RBFOX1: variants seen among roughly 807,000 people sequenced by gnomAD.
The protein encoded by RBFOX1 is RNA binding fox-1 homolog 1, also known as RNA binding protein fox-1 homolog 1.
RBFOX1 carries 8 observed loss-of-function variants against 57.7 expected under a neutral mutation model. That is an observed-to-expected ratio of 0.14 (90% CI 0.08 to 0.25). RBFOX1 has a LOEUF of 0.25. Among genes scored for constraint, RBFOX1 ranks in the 10% least tolerant of loss-of-function variants. RBFOX1 has a pLI of 1.00. For synonymous variants in RBFOX1, 326 were observed against 222.4 expected, an observed-to-expected ratio of 1.47 and a Z score of -4.15; for missense variants, 611 against 548.5, an observed-to-expected ratio of 1.11 and a Z score of -1.14.
intron 2 of RBFOX1, among the ~76,000 whole-genome samples, chr16:6,408,282 A>C (rs1182114887): frequency 6.6e-6 from 1 of 152,192 alleles, no homozygotes; most frequent in African/African-American, 2.4e-5. Flanking sequence ...GAGCTTAATA[A>C]AAAGTTAAAA....
chr16:7,509,416 G>GTA, intron 4 of RBFOX1, among the ~76,000 whole-genome samples: 1 of 142,660 alleles, frequency 7.0e-6, no homozygotes, highest in African/African-American at 3.0e-5. Context: ...GTGTGTGTGT[G>GTA]TGTGTGTGTG....
At chr16:7,077,355 G>A (rs569712761) in intron 4 of RBFOX1, among the ~76,000 whole-genome samples, 2 of 152,292 alleles carry the variant, frequency 1.3e-5, no homozygotes, top group South Asian at 2.1e-4. Context: ...TGAGTTTTAC[G>A]TGATGAATTT....
At chr16:6,428,176 C>G (rs2093982709) in intron 2 of RBFOX1, among the ~76,000 whole-genome samples, 1 of 149,918 alleles carries the variant, frequency 6.7e-6, no homozygotes, top group African/African-American at 2.5e-5. Context: ...GTTCCAGCTA[C>G]TTGGAAGGCT....
chr16:5,381,365 C>T (rs939985676), intron 1 of RBFOX1, among the ~76,000 whole-genome samples: 1 of 152,208 alleles, frequency 6.6e-6, no homozygotes, highest in African/African-American at 2.4e-5. Context: ...TACTTAGGGC[C>T]AGCTGCTGTC....
intron 3 of RBFOX1, among the ~76,000 whole-genome samples, chr16:6,778,679 ACT>A (rs141088448): frequency 0.014 from 2,069 of 151,966 alleles, 21 homozygotes; most frequent in Non-Finnish European, 0.024. Context: ...TTCATATTTT[ACT>A]CTCTTTTTTC....
intron 3 of RBFOX1, among the ~76,000 whole-genome samples, chr16:6,857,048 C>G (rs928116291): frequency 6.6e-6 from 1 of 152,070 alleles, no homozygotes; most frequent in Non-Finnish European, 1.5e-5. Context: ...CGTGTTCAAC[C>G]CCACATCATT....
chr16:6,992,531 C>A lies in RBFOX1; in HGVS notation c.-15-59526C>A, dbSNP rs10500343. Among the ~76,000 whole-genome samples the A allele has an allele frequency of 4.6e-5, 7 of 152,022 alleles. No homozygotes were observed. The South Asian group carries it at 8.3e-4, about 18-fold the overall frequency. ...ATCCAGCCTAGCAATTCCTTAAGTACCTTGTTCATCCCTTCCAAGGTCAGC... is the reference window on the plus strand; with the variant it reads ...ATCCAGCCTAGCAATTCCTTAAGTAACTTGTTCATCCCTTCCAAGGTCAGC... On this transcript the variant is annotated intron_variant, in intron 3 of 15. Coordinates refer to ENST00000550418, the MANE Select transcript of RBFOX1 (RefSeq NM_018723.4).
At chr16:7,706,802 C>G (rs1172683123) in intron 14 of RBFOX1, among the ~76,000 whole-genome samples, 1 of 152,138 alleles carries the variant, frequency 6.6e-6, no homozygotes, top group South Asian at 2.1e-4. Context: ...AAATAAAGAG[C>G]AGTACCAAGG....
chr16:6,923,299 C>T (rs1009218263), intron 3 of RBFOX1, among the ~76,000 whole-genome samples: 2 of 152,098 alleles, frequency 1.3e-5, no homozygotes, highest in African/African-American at 4.8e-5. Flanking sequence ...TTTGGGATGC[C>T]AAGGCGGGAG....
At chr16:7,392,261 C>G (rs903993582) in intron 4 of RBFOX1, among the ~76,000 whole-genome samples, 1 of 152,152 alleles carries the variant, frequency 6.6e-6, no homozygotes, top group Admixed American at 6.5e-5. Flanking sequence ...CTAGGTTGGA[C>G]AACTTTCCCC....
chr16:5,599,234 G>T, exon 3 of RBFOX1: 1 of 687,112 alleles, frequency 1.5e-6, no homozygotes, highest in Non-Finnish European at 2.7e-6. Flanking sequence ...CAGATCCGGG[G>T]CACAGTGGTT....
At chr16:7,540,095 A>G (rs776518514) in intron 5 of RBFOX1, among the ~76,000 whole-genome samples, 9 of 152,174 alleles carry the variant, frequency 5.9e-5, no homozygotes, top group Non-Finnish European at 8.8e-5. Context: ...GCAGAAAGAC[A>G]TGTGCCTCAT....
At chr16:6,842,866 C>T (rs535746966) in intron 3 of RBFOX1, among the ~76,000 whole-genome samples, 3 of 152,164 alleles carry the variant, frequency 2.0e-5, no homozygotes, top group Non-Finnish European at 2.9e-5. Context: ...GTTCCCCTCC[C>T]TGTGTCCATG....
At chr16:5,617,164 CAA>C (rs1251590481) in intron 3 of RBFOX1, among the ~76,000 whole-genome samples, 1 of 151,788 alleles carries the variant, frequency 6.6e-6, no homozygotes, top group African/African-American at 2.4e-5. Context: ...ACAGATTTAA[CAA>C]ATGCATTTTG....
chr16:5,595,675 T>C (rs1450097265), intron 2 of RBFOX1, among the ~76,000 whole-genome samples: 1 of 152,188 alleles, frequency 6.6e-6, no homozygotes, highest in Non-Finnish European at 1.5e-5. Flanking sequence ...ACCAGAACAG[T>C]ATCAGACAGC....
chr16:6,804,941 G>C (rs1283352336), intron 3 of RBFOX1, among the ~76,000 whole-genome samples: 1 of 152,172 alleles, frequency 6.6e-6, no homozygotes, highest in African/African-American at 2.4e-5. Flanking sequence ...TATGCTGTTG[G>C]TCGGAGTGTA....
chr16:7,535,423 G>A (rs868855700), intron 5 of RBFOX1, among the ~76,000 whole-genome samples: 5 of 152,254 alleles, frequency 3.3e-5, no homozygotes, highest in African/African-American at 4.8e-5. Flanking sequence ...TGGACATTGC[G>A]ACTCAGAGAT....
At chr16:5,370,770 G>T (rs1420807187) in intron 1 of RBFOX1, among the ~76,000 whole-genome samples, 2 of 152,136 alleles carry the variant, frequency 1.3e-5, no homozygotes, top group East Asian at 3.9e-4. Flanking sequence ...TGGGATTATG[G>T]CTGTGAGCCA....
chr16:6,799,535 G>T (rs1283889128), intron 3 of RBFOX1, among the ~76,000 whole-genome samples: 1 of 152,074 alleles, frequency 6.6e-6, no homozygotes, highest in Non-Finnish European at 1.5e-5. Context: ...TATTGTTTCT[G>T]GGTATGTGTG....
Sources: gnomAD v4.1 joint callset for allele counts (sites outside exome capture counted in the v4.1 genomes callset) on GRCh38, gnomAD v4.1.1 for gene constraint, MANE v1.5 for transcripts, NCBI Gene and HGNC (gene_info 2026-07-23, HGNC 2026-07-21) for gene names.